Variants in MGRN1 observed in about 807,000 individuals in gnomAD.
MGRN1 encodes the protein E3 ubiquitin-protein ligase MGRN1.
MGRN1 carries 29 observed loss-of-function variants against 69.2 expected under a neutral mutation model. The observed-to-expected ratio is 0.42, with a 90% CI of 0.31 to 0.57. The LOEUF is 0.57. Among genes scored for constraint, MGRN1 ranks in the 20% least tolerant of loss-of-function variants. The pLI is 0.15. For missense variants in MGRN1, 998 were observed against 796.2 expected, an observed-to-expected ratio of 1.25 and a Z score of -3.05; for synonymous variants, 470 against 344.2, an observed-to-expected ratio of 1.37 and a Z score of -4.04.
intron 11 of MGRN1, among the ~76,000 whole-genome samples, chr16:4,679,387 C>T (rs540542507): frequency 6.6e-6 from 1 of 152,312 alleles, no homozygotes; most frequent in Admixed American, 6.5e-5. Flanking sequence ...CCACATGCCC[C>T]AGAAGGGCTG....
intron 1 of MGRN1, among the ~76,000 whole-genome samples, chr16:4,643,414 T>TTTC (rs2078205731): frequency 6.6e-6 from 1 of 150,450 alleles, no homozygotes; most frequent in African/African-American, 2.5e-5. Context: ...TTTTTTTTTT[T>TTTC]TTTTTTTTTT....
chr16:4,634,719 A>G (rs1479327658), intron 1 of MGRN1: 3 of 152,380 alleles, frequency 2.0e-5, no homozygotes, highest in Non-Finnish European at 4.4e-5. Context: ...TTGCCTTTCC[A>G]TAGACCTGGG....
chr16:4,683,673 G>A (rs1421242443), intron 15 of MGRN1, among the ~76,000 whole-genome samples, 170 bp from the exon 16 acceptor site: 1 of 152,192 alleles, frequency 6.6e-6, no homozygotes, highest in Non-Finnish European at 1.5e-5. Context: ...CCCAGCTTTG[G>A]GGTCCCTGGA....
At position 4,683,921 on chromosome 16, in the gene MGRN1, T is replaced by G; in HGVS notation, c.1607T>G (p.Ile536Ser). 6.5e-7 allele frequency: 1 copy of G among 1,533,934 alleles called. No homozygotes were observed. Among genetic ancestry groups the G allele is most frequent in the East Asian group, 2.5e-5 (1 of 39,486 alleles). The change falls in exon 16 of 17, where the codon ATC becomes AGC. Residue 536 changes from isoleucine to serine, a missense_variant. Ile to Ser is a moderately radical substitution (Grantham distance 142). Coordinates refer to ENST00000262370, the MANE Select transcript of MGRN1 (RefSeq NM_015246.4). Reference sequence around the variant, plus strand: ...TGTGGCCGAGGCCCACCTGCTGACATCTACCTGCCAGGTAAGGGGCTGGGG... The same window carrying G: ...TGTGGCCGAGGCCCACCTGCTGACAGCTACCTGCCAGGTAAGGGGCTGGGG... The part of the protein sequence containing the change: ...EHCGRGPPAD[I>S]YLPGRPTSME...
chr16:4,678,542 GAC>G (rs1160505768), intron 11 of MGRN1, among the ~76,000 whole-genome samples: 2 of 151,820 alleles, frequency 1.3e-5, no homozygotes, highest in Non-Finnish European at 2.9e-5. Context: ...GAGACGGAGA[GAC>G]AGATGTGGAG....
chr16:4,687,207 T>TCCCCCATC (rs1555460605), intron 16 of MGRN1: 1 of 984,306 alleles, frequency 1.0e-6, no homozygotes, highest in Admixed American at 6.2e-5. Context: ...GCATCCCCCA[T>TCCCCCATC]CCCCCCCAAG....
chr16:4,664,637 T>TGCC lies in MGRN1; in HGVS notation c.562-72_562-71insGCC, dbSNP rs1272409909. On this transcript the variant is annotated intron_variant, in intron 5 of 16. Coordinates refer to ENST00000262370, the MANE Select transcript of MGRN1 (RefSeq NM_015246.4). The stretch of plus-strand genomic sequence containing the variant: ...GCTCCTGCCTGCTTTGTCCAGCTCA[T>TGCC]TTGTTGACCGACTCCAGGCTTCCAG... 838 of 1,502,150 alleles carry TGCC rather than the reference T, an allele frequency of 5.6e-4. 3 individuals carry two copies. The highest frequency in any genetic ancestry group is 6.5e-4 in the Admixed American group (39 of 59,808). The allele number at this position is 1,502,150 out of a possible 1,614,324, so 93.1% of individuals were successfully genotyped here.
chr16:4,670,542 G>A (rs1006784668), intron 8 of MGRN1, among the ~76,000 whole-genome samples: 11 of 152,240 alleles, frequency 7.2e-5, no homozygotes, highest in Non-Finnish European at 1.6e-4. Context: ...CACTGCACCC[G>A]GCCATCTGTT....
chr16:4,631,877 C>T (rs1381194599), intron 1 of MGRN1, among the ~76,000 whole-genome samples: 1 of 139,616 alleles, frequency 7.2e-6, no homozygotes, highest in South Asian at 2.4e-4. Flanking sequence ...TATATCTCTA[C>T]ATTAATTTTG....
intron 16 of MGRN1, chr16:4,686,403 G>A (rs1309431157): frequency 2.7e-6 from 4 of 1,483,412 alleles, no homozygotes; most frequent in Admixed American, 4.7e-5. Context: ...TGGTTTTTGG[G>A]TCTTCGTCCG....
At chr16:4,652,210 A>T (rs1346206518) in intron 3 of MGRN1, among the ~76,000 whole-genome samples, 159 bp downstream of exon 3, 1 of 152,100 alleles carries the variant, frequency 6.6e-6, no homozygotes. Context: ...GAGCGAGGGA[A>T]AGGGCATGTG....
Position 4,681,738 on chromosome 16 carries a change from C to G in MGRN1, c.1320C>G (p.Ser440Arg). The change falls in exon 13 of 17, where the codon AGC becomes AGG. Residue 440 changes from serine to arginine, a missense_variant. Transcript: ENST00000262370. The part of the protein sequence containing the change: ...LAAIDHILDS[S>R]RQKGRPQSKA... ...CTATCGACCACATCCTGGACAGCAGCCGCCAGAAGGGCAGGCCGCAGAGCA... is the reference window on the plus strand; with the variant it reads ...CTATCGACCACATCCTGGACAGCAGGCGCCAGAAGGGCAGGCCGCAGAGCA... The G allele has an allele frequency of 1.2e-6, 2 of 1,612,838 alleles. No individual in the cohort carries two copies. The highest frequency in any genetic ancestry group is 1.7e-6 in the Non-Finnish European group (2 of 1,179,802).
chr16:4,626,600 A>T (rs1427948637), intron 1 of MGRN1, among the ~76,000 whole-genome samples: 5 of 152,226 alleles, frequency 3.3e-5, no homozygotes, highest in African/African-American at 1.2e-4. Context: ...GACCATAATC[A>T]TAGTAAGCAG....
intron 16 of MGRN1, among the ~76,000 whole-genome samples, chr16:4,685,206 G>A (rs546190819): frequency 3.9e-5 from 6 of 152,252 alleles, no homozygotes; most frequent in Non-Finnish European, 7.4e-5. Context: ...TTAAAAACTT[G>A]GGGGGTGATC....
At chr16:4,678,449 A>AGAC (rs2079103010) in intron 11 of MGRN1, among the ~76,000 whole-genome samples, 1 of 151,732 alleles carries the variant, frequency 6.6e-6, no homozygotes, top group Admixed American at 6.6e-5. Context: ...AGATGTGGAG[A>AGAC]GACAAAGGGA....
At position 4,665,013 on chromosome 16, in the gene MGRN1, G is replaced by C. The variant is rs77244089; in HGVS notation, c.629-89G>C. The C allele has an allele frequency of 1.7e-4, 254 of 1,490,980 alleles. No individual in the cohort carries two copies. The African/African-American group carries it at 3.1e-3, about 18-fold the overall frequency. 92.4% of individuals were successfully genotyped at this position (1,490,980 alleles called of 1,614,324 possible). On this transcript the variant is annotated intron_variant, in intron 6 of 16. Coordinates refer to ENST00000262370, the MANE Select transcript of MGRN1 (RefSeq NM_015246.4). ...GGACTCTGTGCAGGCTGAGCCCTCG[G>C]TGCCGCAGGCCTACCAGGGTCGGGG...
intron 7 of MGRN1, among the ~76,000 whole-genome samples, chr16:4,667,132 G>T (rs1030802820): frequency 6.6e-6 from 1 of 152,196 alleles, no homozygotes. Context: ...TGCCTGCTGC[G>T]GGCTTCACGC....
chr16:4,666,683 A>G (rs1235022276), intron 7 of MGRN1, among the ~76,000 whole-genome samples: 1 of 152,168 alleles, frequency 6.6e-6, no homozygotes, highest in Non-Finnish European at 1.5e-5. Context: ...ACAGACCCCC[A>G]GTCCTGCTGC....
At chr16:4,659,231 G>C (rs373234626) in intron 5 of MGRN1, 3 of 152,154 alleles carry the variant, frequency 2.0e-5, no homozygotes, top group African/African-American at 7.2e-5. Flanking sequence ...CGGGTGGGTG[G>C]AGTCTCTGTC....
Sources: allele counts gnomAD v4.1 joint callset (sites outside exome capture counted in the v4.1 genomes callset), GRCh38; gene constraint gnomAD v4.1.1; transcripts MANE v1.5; gene names NCBI Gene and HGNC (gene_info 2026-07-23, HGNC 2026-07-21).